The following FARP1 variants were observed in gnomAD, a reference collection of about 807,000 sequenced individuals.
FARP1 encodes the protein FERM, ARHGEF and pleckstrin domain-containing protein 1.
Under a neutral mutation model 128.8 loss-of-function variants are expected in FARP1, and 52 were observed. The ratio of observed to expected loss-of-function variants is 0.40; its 90% CI spans 0.32 to 0.51. The LOEUF (loss-of-function observed/expected upper bound fraction) is 0.51, where lower values mean the gene tolerates loss of function less well. FARP1 is among the 20% of genes least tolerant of loss of function. The pLI, the probability that FARP1 is intolerant of heterozygous loss-of-function variation, is 0.45. For synonymous variants in FARP1, 580 were observed against 551.8 expected, an observed-to-expected ratio of 1.05 and a Z score of -0.72; for missense variants, 1,333 against 1,367.9, an observed-to-expected ratio of 0.97 and a Z score of 0.40.
At chr13:98,377,616 C>T (rs573980138) in intron 5 of FARP1, among the ~76,000 whole-genome samples, 2 of 152,228 alleles carry the variant, frequency 1.3e-5, no homozygotes, top group African/African-American at 2.4e-5. Flanking sequence ...ATTATTCATA[C>T]TGTGAAAAGA....
chr13:98,258,988 G>A (rs1413396861), intron 2 of FARP1, among the ~76,000 whole-genome samples: 4 of 152,126 alleles, frequency 2.6e-5, no homozygotes, highest in East Asian at 1.9e-4. Context: ...CGGGAGGATC[G>A]CTTGAGCTCA....
At chr13:98,286,002 G>A (rs1381100049) in intron 2 of FARP1, among the ~76,000 whole-genome samples, 2 of 152,026 alleles carry the variant, frequency 1.3e-5, no homozygotes, top group Non-Finnish European at 1.5e-5. Flanking sequence ...CTTCCTCTTT[G>A]CTGCCCCTTA....
At chr13:98,214,318 C>G (rs1354788061) in intron 2 of FARP1, among the ~76,000 whole-genome samples, 2 of 152,080 alleles carry the variant, frequency 1.3e-5, no homozygotes, top group Non-Finnish European at 2.9e-5. Context: ...CTCATCGGCT[C>G]AGTCCAGAGA....
At chr13:98,259,882 AGTGT>A (rs60886784) in intron 2 of FARP1, among the ~76,000 whole-genome samples, 3,689 of 128,832 alleles carry the variant, frequency 0.029, 154 homozygotes, top group African/African-American at 0.095. Context: ...ATACCTGAAA[AGTGT>A]GTGTGTGTGT....
chr13:98,352,610 G>C (rs1374893557), intron 3 of FARP1, among the ~76,000 whole-genome samples: 1 of 152,170 alleles, frequency 6.6e-6, no homozygotes, highest in African/African-American at 2.4e-5. Flanking sequence ...ACTTTAAACA[G>C]GTTAGGAAAC....
chr13:98,177,050 C>A (rs747542296), intron 1 of FARP1: 3 of 1,593,888 alleles, frequency 1.9e-6, no homozygotes, highest in Non-Finnish European at 2.5e-6. Context: ...GGCCTCGGTG[C>A]CACCCGCGGG....
chr13:98,211,012 C>G (rs997260118), intron 1 of FARP1, among the ~76,000 whole-genome samples: 1 of 152,160 alleles, frequency 6.6e-6, no homozygotes, highest in Non-Finnish European at 1.5e-5. Context: ...ACTGGATGCC[C>G]CAGCCCCTGC....
chr13:98,339,530 A>G (rs1176365897), intron 2 of FARP1, among the ~76,000 whole-genome samples: 1 of 152,156 alleles, frequency 6.6e-6, no homozygotes, highest in Non-Finnish European at 1.5e-5. Flanking sequence ...TACCCATGCC[A>G]TTGTCATGTA....
rs141282744 is a variant in FARP1, at chr13:98,390,928, G to T, written c.1088+48G>T. The T allele has an allele frequency of 1.6e-3, 2,077 of 1,284,250 alleles. 5 individuals are homozygous for T. The highest frequency in any genetic ancestry group is 1.9e-3 in the Non-Finnish European group (1,672 of 881,786). The allele number at this position is 1,284,250 out of a possible 1,614,324, so 79.6% of individuals were successfully genotyped here. ...TTCCAGTCTGAGAAGGCTCAGACTC[G>T]CCAGGTAACAGTTTGTTGCTGCTAA... is the stretch of plus-strand genomic sequence containing the variant. On this transcript the variant is annotated intron_variant, in intron 11 of 26. Coordinates refer to ENST00000319562, the MANE Select transcript of FARP1 (RefSeq NM_005766.4).
chr13:98,438,632 C>A (rs746120305), intron 19 of FARP1, among the ~76,000 whole-genome samples, 172 bp from the exon 20 acceptor site: 3 of 152,132 alleles, frequency 2.0e-5, no homozygotes, highest in Non-Finnish European at 4.4e-5. Context: ...TGCAAGGGAC[C>A]CAGGTGGGAG....
At chr13:98,214,648 G>A (rs888985305) in intron 2 of FARP1, among the ~76,000 whole-genome samples, 28 of 152,264 alleles carry the variant, frequency 1.8e-4, no homozygotes, top group African/African-American at 6.7e-4. Context: ...AATGTCTCAG[G>A]AAAAGATAAA....
rs375123537 is a variant in FARP1 at position 98,213,279 on chromosome 13, C to T, written c.37C>T (p.Arg13Ter). The T allele has an allele frequency of 2.5e-6, 4 of 1,614,062 alleles. No individual in the cohort carries two copies. Among genetic ancestry groups the T allele is most frequent in the South Asian group, 1.1e-5 (1 of 91,052 alleles). The part of the protein sequence containing the change: ...EIEQRPTPGS[R>*]LGAPENSGIS... The stretch of plus-strand genomic sequence containing the variant: ...AGAGCAGAGGCCGACCCCAGGATCA[C>T]GACTGGGGGCCCCGGAAAATTCGGG... The change falls in exon 2 of 27, where the codon CGA (arginine) becomes TGA (stop). Residue 13 changes from arginine (R) to a stop codon, truncating the protein, a stop_gained. Transcript: ENST00000319562. LOFTEE classifies it high-confidence loss of function.
chr13:98,285,548 A>G (rs1885125746), intron 2 of FARP1, among the ~76,000 whole-genome samples: 1 of 152,290 alleles, frequency 6.6e-6, no homozygotes, highest in Admixed American at 6.5e-5. Context: ...GCCTTGTCTC[A>G]CAGAAATTTG....
At chr13:98,188,422 G>T (rs1363087591) in intron 1 of FARP1, among the ~76,000 whole-genome samples, 3 of 152,060 alleles carry the variant, frequency 2.0e-5, no homozygotes, top group East Asian at 1.9e-4. Context: ...AAAGCTGGGC[G>T]TGGTGGTGTG....
chr13:98,157,407 C>A (rs551318552), intron 1 of FARP1, among the ~76,000 whole-genome samples: 1 of 152,040 alleles, frequency 6.6e-6, no homozygotes, highest in East Asian at 1.9e-4. Context: ...GCCACTGCCC[C>A]GGCCTTCCAC....
chr13:98,229,510 T>C (rs1881986951), intron 2 of FARP1, among the ~76,000 whole-genome samples: 1 of 151,914 alleles, frequency 6.6e-6, no homozygotes, highest in Non-Finnish European at 1.5e-5. Flanking sequence ...TTTCTTTTTT[T>C]TTTTTGGAGA....
intron 13 of FARP1, chr13:98,398,720 A>G (rs569784114): frequency 4.6e-5 from 7 of 152,332 alleles, no homozygotes; most frequent in Admixed American, 6.5e-5. Flanking sequence ...AAAAATGTCA[A>G]TTTGCTATGA....
At chr13:98,319,023 C>T (rs1886873920) in intron 2 of FARP1, among the ~76,000 whole-genome samples, 1 of 141,410 alleles carries the variant, frequency 7.1e-6, no homozygotes. Context: ...AGTGCAGTGG[C>T]AGGATCTCAG....
chr13:98,226,005 C>CCCTA (rs77317806), intron 2 of FARP1, among the ~76,000 whole-genome samples: 1 of 151,762 alleles, frequency 6.6e-6, no homozygotes, highest in Non-Finnish European at 1.5e-5. Context: ...TTTAGTTGTC[C>CCCTA]GTTTTTCCAG....
Sources: gnomAD v4.1 joint callset for allele counts (sites outside exome capture counted in the v4.1 genomes callset) on GRCh38, gnomAD v4.1.1 for gene constraint, MANE v1.5 for transcripts, NCBI Gene and HGNC (gene_info 2026-07-23, HGNC 2026-07-21) for gene names.